Variants in TAFA2 observed in about 807,000 individuals in gnomAD.
TAFA2 encodes chemokine-like protein TAFA-2.
A neutral mutation model predicts 18.8 loss-of-function variants in TAFA2; 7 were observed. That is an observed-to-expected ratio of 0.37 (90% CI 0.21 to 0.70). The LOEUF (loss-of-function observed/expected upper bound fraction) is 0.70, where lower values mean the gene tolerates loss of function less well. Among genes scored for constraint, TAFA2 ranks in the 30% least tolerant of loss-of-function variants. The probability of loss-of-function intolerance (pLI) is 0.53; values close to 1 mark genes in which losing one functional copy is unlikely to be tolerated. For synonymous variants in TAFA2, 60 were observed against 54.2 expected (o/e 1.11, Z -0.47); for missense variants, 122 against 158.1 (o/e 0.77, Z 1.23).
chr12:61,913,126 C>G (rs1876680115), intron 1 of TAFA2, among the ~76,000 whole-genome samples: 1 of 152,082 alleles, frequency 6.6e-6, no homozygotes, highest in Admixed American at 6.6e-5. Context: ...TCTTCCCTCT[C>G]AGTTTTGAGG....
intron 1 of TAFA2, among the ~76,000 whole-genome samples, chr12:62,235,885 T>C (rs929442019): frequency 2.0e-5 from 3 of 151,930 alleles, no homozygotes; most frequent in Middle Eastern, 3.2e-3. Context: ...CCCAGCCTAT[T>C]ATAGATTTTT....
intron 2 of TAFA2, among the ~76,000 whole-genome samples, chr12:61,849,104 A>T (rs1873532349): frequency 6.6e-6 from 1 of 152,182 alleles, no homozygotes. Flanking sequence ...TCGGCCTTCC[A>T]GAGTGCTGGA....
intron 1 of TAFA2, among the ~76,000 whole-genome samples, chr12:62,036,986 T>C (rs528579656): frequency 1.9e-4 from 29 of 152,374 alleles, no homozygotes; most frequent in South Asian, 4.1e-4. Flanking sequence ...TGCTGCATTG[T>C]TATTTTTATT....
At chr12:62,108,627 T>A (rs1213680149) in intron 1 of TAFA2, among the ~76,000 whole-genome samples, 1 of 152,238 alleles carries the variant, frequency 6.6e-6, no homozygotes, top group Non-Finnish European at 1.5e-5. Context: ...TTCCTATTTC[T>A]CCACATCCTC....
chr12:62,255,822 C>G (rs950710886), intron 1 of TAFA2, among the ~76,000 whole-genome samples: 10 of 152,112 alleles, frequency 6.6e-5, no homozygotes, highest in African/African-American at 2.4e-4. Context: ...CCACTGCACT[C>G]CAGTCTGGGC....
At chr12:61,847,181 G>T (rs545268156) in intron 2 of TAFA2, among the ~76,000 whole-genome samples, 33 of 152,240 alleles carry the variant, frequency 2.2e-4, no homozygotes, top group African/African-American at 7.9e-4. Context: ...CTCTTCTGCT[G>T]TTGTGATTAT....
intron 1 of TAFA2, among the ~76,000 whole-genome samples, chr12:62,057,658 A>G (rs1188016807): frequency 6.6e-6 from 1 of 152,146 alleles, no homozygotes; most frequent in Non-Finnish European, 1.5e-5. Context: ...AAATTTTACT[A>G]TGCATACTTA....
At chr12:62,006,358 C>T (rs1561629) in intron 1 of TAFA2, among the ~76,000 whole-genome samples, 1 of 151,978 alleles carries the variant, frequency 6.6e-6, no homozygotes, top group African/African-American at 2.4e-5. Flanking sequence ...TACTTCAAAC[C>T]AAAGCGCTCC....
intron 1 of TAFA2, among the ~76,000 whole-genome samples, chr12:62,039,801 A>G (rs1881710033): frequency 6.6e-6 from 1 of 152,140 alleles, no homozygotes; most frequent in East Asian, 1.9e-4. Context: ...GTACTTCTCA[A>G]CCTGCAGCAT....
In TAFA2 at chr12:62,023,106, A is replaced by G. The variant is rs543347300; in HGVS notation, c.-1-155680T>C. ...CAATGAGCATTAGTGATGAAAATGA[A>G]GCCAAGAAAGACAGAAATCACGGGT... On this transcript the variant is annotated intron_variant, in intron 1 of 4. Transcript: ENST00000416284. 3.3e-5 allele frequency among the ~76,000 whole-genome samples: 5 copies of G among 152,352 alleles called. No homozygotes were observed. In the East Asian group the frequency reaches 9.6e-4, roughly 29 times the overall value.
chr12:61,900,554 C>T (rs1876053125), intron 1 of TAFA2, among the ~76,000 whole-genome samples: 1 of 152,184 alleles, frequency 6.6e-6, no homozygotes, highest in African/African-American at 2.4e-5. Flanking sequence ...CAAACACGTC[C>T]TTCCTCCAAT....
chr12:61,754,185 A>G (rs1480431069), intron 3 of TAFA2, among the ~76,000 whole-genome samples: 2 of 151,996 alleles, frequency 1.3e-5, no homozygotes, highest in Non-Finnish European at 2.9e-5. Flanking sequence ...TATAATCAAT[A>G]TAATATTCCC....
At chr12:61,837,495 T>A (rs1768878760) in intron 2 of TAFA2, among the ~76,000 whole-genome samples, 1 of 152,074 alleles carries the variant, frequency 6.6e-6, no homozygotes, top group South Asian at 2.1e-4. Context: ...ACAGCATGTG[T>A]ATTATATAAG....
chr12:61,976,983 T>G (rs1378687550), intron 1 of TAFA2, among the ~76,000 whole-genome samples: 1 of 152,134 alleles, frequency 6.6e-6, no homozygotes, highest in Non-Finnish European at 1.5e-5. Flanking sequence ...GTAATAAACA[T>G]ACATGTGCAT....
chr12:62,137,689 T>A (rs1443084264), intron 1 of TAFA2, among the ~76,000 whole-genome samples: 2 of 151,874 alleles, frequency 1.3e-5, no homozygotes, highest in African/African-American at 2.4e-5. Flanking sequence ...CAAAGCATCA[T>A]CATCTCCCCC....
intron 1 of TAFA2, among the ~76,000 whole-genome samples, chr12:62,138,600 C>A (rs2062216126): frequency 6.6e-6 from 1 of 152,158 alleles, no homozygotes; most frequent in African/African-American, 2.4e-5. Flanking sequence ...GACAGACCAA[C>A]AGAACACACT....
chr12:61,977,586 T>C (rs1419247637), intron 1 of TAFA2, among the ~76,000 whole-genome samples: 1 of 152,096 alleles, frequency 6.6e-6, no homozygotes, highest in Admixed American at 6.6e-5. Context: ...TGTAACCCTA[T>C]ACCTGGCCTC....
chr12:61,716,634 A>C (rs1244908921), intron 4 of TAFA2, among the ~76,000 whole-genome samples: 2 of 152,232 alleles, frequency 1.3e-5, no homozygotes, highest in Non-Finnish European at 2.9e-5. Context: ...ATGAGGAACT[A>C]TTAAACAATA....
intron 1 of TAFA2, among the ~76,000 whole-genome samples, chr12:62,237,052 T>C (rs1174677349): frequency 2.0e-5 from 3 of 152,224 alleles, no homozygotes; most frequent in African/African-American, 7.2e-5. Flanking sequence ...CCTTGCTCTT[T>C]CTCAACTCTT....
Sources: gnomAD v4.1 joint callset for allele counts (sites outside exome capture counted in the v4.1 genomes callset) on GRCh38, gnomAD v4.1.1 for gene constraint, MANE v1.5 for transcripts, NCBI Gene and HGNC (gene_info 2026-07-23, HGNC 2026-07-21) for gene names.